Variants in CAD observed in about 807,000 individuals in gnomAD.
CAD encodes multifunctional protein CAD.
CAD carries 81 observed loss-of-function variants against 237.2 expected under a neutral mutation model. The observed-to-expected ratio is 0.34, with a 90% CI of 0.29 to 0.41. The LOEUF is 0.41. CAD is among the 10% of genes least tolerant of loss of function. The pLI is 1.00. For synonymous variants in CAD, 1,196 were observed against 1,162.8 expected, an observed-to-expected ratio of 1.03 and a Z score of -0.58; for missense variants, 2,181 against 2,951.7, an observed-to-expected ratio of 0.74 and a Z score of 6.05.
chr2:27,231,933 T>C (rs756471833), intron 16 of CAD, 47 bp from the exon 17 acceptor site: 2 of 1,611,222 alleles, frequency 1.2e-6, no homozygotes, highest in Non-Finnish European at 8.5e-7. Flanking sequence ...CTCAGGCTTT[T>C]AGATGGGCTG....
chr2:27,241,493 C>T lies in CAD; in HGVS notation c.5883+97C>T. Reference sequence around the variant, plus strand: ...AGTGGTCAGAGTGGGTCTTCCTCCCCCTGCCATCCCGTCCCCTTATGCTAG... The same window carrying T: ...AGTGGTCAGAGTGGGTCTTCCTCCCTCTGCCATCCCGTCCCCTTATGCTAG... On this transcript the variant is annotated intron_variant, in intron 38 of 43. Coordinates refer to ENST00000264705, the MANE Select transcript of CAD (RefSeq NM_004341.5). The surrounding 1 kb of genome is among the most constrained non-coding windows in gnomAD (Gnocchi z 4.6). 5 of 1,124,118 alleles carry T rather than the reference C, an allele frequency of 4.4e-6. No individual in the cohort carries two copies. Among genetic ancestry groups the T allele is most frequent in the South Asian group, 2.5e-5 (2 of 79,048 alleles). 69.6% of individuals were successfully genotyped at this position (1,124,118 alleles called of 1,614,324 possible). A position where few individuals can be genotyped will look rare whatever the true frequency, so the allele number is the denominator to read the frequency against.
rs759739691 is a variant in CAD at position 27,232,102 on chromosome 2, G to T, written c.2523G>T (p.Lys841Asn). The change falls in exon 17 of 44, where the codon AAG becomes AAT. Residue 841 changes from lysine to asparagine, a missense_variant. Lys to Asn is a moderately conservative substitution (Grantham distance 94). This residue lies in a region of CAD where 385 missense variants were observed against 535.1 expected (regional missense o/e 0.72). Transcript: ENST00000264705. This position sits in a 1 kb window ranked among gnomAD's most constrained non-coding sequence, Gnocchi z 4.1. ...RIDRWFLHRM[K>N]RIIAHAQLLE... Reference sequence around the variant, plus strand: ...ACCGCTGGTTCCTGCACCGAATGAAGCGTATCATCGCACATGCCCAGCTGC... The same window carrying T: ...ACCGCTGGTTCCTGCACCGAATGAATCGTATCATCGCACATGCCCAGCTGC... 66 of 1,614,240 alleles carry T rather than the reference G, an allele frequency of 4.1e-5. No individual in the cohort carries two copies. Among genetic ancestry groups the T allele is most frequent in the Non-Finnish European group, 5.3e-5 (63 of 1,180,040 alleles).
rs760688978 is a variant in CAD at position 27,234,113 on chromosome 2, A to AC, written c.3512dup (p.Gln1172ThrfsTer37). The AC allele has an allele frequency of 3.7e-6, 6 of 1,613,124 alleles. No individual in the cohort carries two copies. Among genetic ancestry groups the AC allele is most frequent in the African/African-American group, 1.3e-5 (1 of 74,568 alleles). ...GCATTCAGGTGATGCGACGCTGGTG[A>AC]CCCCCCCACAAGATATCACTGCCAA... On this transcript the variant is annotated frameshift_variant, in exon 22 of 44. Transcript: ENST00000264705. LOFTEE classifies it high-confidence loss of function.
rs897522486 is a variant in CAD at position 27,236,281 on chromosome 2, C to T, written c.4075-3C>T. On this transcript the variant is annotated splice_region_variant and splice_polypyrimidine_tract_variant and intron_variant, in intron 25 of 43. Transcript: ENST00000264705. The surrounding 1 kb of genome is among the most constrained non-coding windows in gnomAD (Gnocchi z 4.1). Reference sequence around the variant, plus strand: ...GGCCCTGACCTTGACTCCGGGTTGGCAGGTAACAGCTGTGGACTGGCACTT... The same window carrying T: ...GGCCCTGACCTTGACTCCGGGTTGGTAGGTAACAGCTGTGGACTGGCACTT... The T allele has an allele frequency of 7.4e-6, 12 of 1,612,086 alleles. No homozygotes were observed. The African/African-American group carries it at 1.6e-4, about 22-fold the overall frequency.
chr2:27,231,504 C>G lies in CAD; in HGVS notation c.2324C>G (p.Ala775Gly), dbSNP rs765440558. 20 of 1,613,086 alleles carry G rather than the reference C, an allele frequency of 1.2e-5. No homozygotes were observed. Among genetic ancestry groups the G allele is most frequent in the East Asian group, 6.7e-5 (3 of 44,894 alleles). Residue 775 changes from alanine (A) to glycine (G), a missense_variant, in exon 16 of 44, where the codon GCC becomes GGC. By Grantham distance (60) the Ala-to-Gly change is moderately conservative (BLOSUM62 0). Coordinates refer to ENST00000264705, the MANE Select transcript of CAD (RefSeq NM_004341.5). ...VMGIGRSFEE[A>G]FQKALRMVDE... ...GGCATTGGGCGTTCATTTGAGGAGG[C>G]CTTCCAGAAGGCCCTGCGCATGGTG...
intron 11 of CAD, among the ~76,000 whole-genome samples, chr2:27,225,494 C>T (rs192947579): frequency 3.3e-5 from 5 of 151,516 alleles, no homozygotes; most frequent in East Asian, 1.9e-4. Context: ...TTAGTAGAGA[C>T]GGGGTTTCTC....
chr2:27,238,062 G>A lies in CAD; in HGVS notation c.4735G>A (p.Glu1579Lys), dbSNP rs769349785. 1.1e-5 allele frequency: 18 copies of A among 1,613,996 alleles called. No individual in the cohort carries two copies. The highest frequency in any genetic ancestry group is 1.6e-4 in the Middle Eastern group (1 of 6,084). ...CAGTTCTTTCTGCTCCCAGCATTTC[G>A]AGACATGGCCCTCCCACCTCCCCAT... ...DSVVQWMEHF[E>K]TWPSHLPIVA... The change falls in exon 30 of 44, where the codon GAG becomes AAG. Residue 1579 changes from glutamate to lysine, a missense_variant. This residue lies in a region of CAD where 478 missense variants were observed against 515.0 expected (regional missense o/e 0.93). Transcript: ENST00000264705.
At position 27,234,195 on chromosome 2, in the gene CAD, C is replaced by T. The variant is rs1189491239; in HGVS notation, c.3587C>T (p.Thr1196Ile). The T allele has an allele frequency of 1.2e-6, 2 of 1,614,218 alleles. No individual in the cohort carries two copies. The highest frequency in any genetic ancestry group is 8.5e-7 in the Non-Finnish European group (1 of 1,180,020). ...GCTGTGGGCCAGGAGCTACAGGTCA[C>T]AGGACCCTTCAATCTGCAGCTCATT... ...VHAVGQELQV[T>I]GPFNLQLIAK... Residue 1196 changes from threonine to isoleucine, a missense_variant, in exon 22 of 44, where the codon ACA (threonine) becomes ATA (isoleucine). Physicochemically the swap from Thr to Ile is moderately conservative, Grantham distance 89. Coordinates refer to ENST00000264705, the MANE Select transcript of CAD (RefSeq NM_004341.5).
chr2:27,234,218 A>G lies in CAD; in HGVS notation c.3610A>G (p.Ile1204Val). Residue 1204 changes from isoleucine to valine, a missense_variant, in exon 22 of 44, where the codon ATT becomes GTT. Physicochemically the swap from Ile to Val is conservative, Grantham distance 29. Transcript: ENST00000264705. ...QVTGPFNLQL[I>V]AKDDQLKVIE... The stretch of plus-strand genomic sequence containing the variant: ...CACAGGACCCTTCAATCTGCAGCTC[A>G]TTGCCAAGGTAATAAGGCTAAAGGA... 1 of 1,612,498 alleles carries G rather than the reference A, an allele frequency of 6.2e-7. No homozygotes were observed. The highest frequency in any genetic ancestry group is 2.2e-5 in the East Asian group (1 of 44,882).
Position 27,239,582 on chromosome 2 carries a change from A to C in CAD, c.5394+111A>C. 6.6e-7 allele frequency: 1 copy of C among 1,518,926 alleles called. No individual in the cohort carries two copies. Among genetic ancestry groups the C allele is most frequent in the Non-Finnish European group, 9.0e-7 (1 of 1,107,500 alleles). The allele number at this position is 1,518,926 out of a possible 1,614,324, so 94.1% of individuals were successfully genotyped here. ...CCCACTATGTGCACCACTGCCCTGG[A>C]CCAGGGGTTGGGGGCACAGCTCCCC... On this transcript the variant is annotated intron_variant, in intron 33 of 43. Transcript: ENST00000264705. The surrounding 1 kb of genome is among the most constrained non-coding windows in gnomAD (Gnocchi z 4.0).
At chr2:27,222,737 AAGTC>A in intron 5 of CAD, 77 bp downstream of exon 5, 1 of 1,586,212 alleles carries the variant, frequency 6.3e-7, no homozygotes, top group Non-Finnish European at 8.6e-7. Flanking sequence ...CAATTGCTAA[AAGTC>A]AGTAGGAGTT....
intron 3 of CAD, among the ~76,000 whole-genome samples, 193 bp from the exon 4 acceptor site, chr2:27,222,001 T>C (rs891076205): frequency 9.9e-5 from 15 of 151,352 alleles, no homozygotes; most frequent in African/African-American, 2.7e-4. Context: ...TTAGAGTTGT[T>C]CAATTCAGAT....
At chr2:27,217,762 C>A in intron 1 of CAD, 115 bp from the exon 2 acceptor site, 1 of 1,438,464 alleles carries the variant, frequency 7.0e-7, no homozygotes, top group Non-Finnish European at 9.4e-7. Context: ...TGCCCATGGG[C>A]CCCAGCGCCA....
chr2:27,232,790 C>A lies in CAD; in HGVS notation c.2892+96C>A. ...CCTGGCATTTCCTATTAATTGCCGT[C>A]CCTTACTTTGGTCATAGAGCTTTGG... On this transcript the variant is annotated intron_variant, in intron 18 of 43. Coordinates refer to ENST00000264705, the MANE Select transcript of CAD (RefSeq NM_004341.5). This position sits in a 1 kb window ranked among gnomAD's most constrained non-coding sequence, Gnocchi z 4.1. The A allele has an allele frequency of 1.3e-6, 2 of 1,494,442 alleles. No individual in the cohort carries two copies. The highest frequency in any genetic ancestry group is 1.2e-5 in the South Asian group (1 of 83,912). The allele number at this position is 1,494,442 out of a possible 1,614,324, so 92.6% of individuals were successfully genotyped here. A position where few individuals can be genotyped will look rare whatever the true frequency, so the allele number is the denominator to read the frequency against.
Position 27,237,379 on chromosome 2 carries a change from G to C in CAD, c.4397G>C (p.Gly1466Ala). 2 of 1,613,954 alleles carry C rather than the reference G, an allele frequency of 1.2e-6. No individual in the cohort carries two copies. The highest frequency in any genetic ancestry group is 1.7e-6 in the Non-Finnish European group (2 of 1,179,910). ...MTSQKLVRLP[G>A]LIDVHVHLRE... is the part of the protein sequence containing the mutation. Reference sequence around the variant, plus strand: ...TCTTGCTGCTTCCATTTTCTCCCAGGATTGATTGATGTCCATGTGCACCTG... The same window carrying C: ...TCTTGCTGCTTCCATTTTCTCCCAGCATTGATTGATGTCCATGTGCACCTG... Residue 1466 changes from glycine (G) to alanine (A), a missense_variant and splice_region_variant, in exon 28 of 44, where the codon GGA (glycine) becomes GCA (alanine). By Grantham distance (60) the Gly-to-Ala change is moderately conservative. Coordinates refer to ENST00000264705, the MANE Select transcript of CAD (RefSeq NM_004341.5). This position sits in a 1 kb window ranked among gnomAD's most constrained non-coding sequence, Gnocchi z 4.0.
rs765568623 is a variant in CAD at position 27,235,545 on chromosome 2, G to A, written c.3979G>A (p.Glu1327Lys). The A allele has an allele frequency of 1.2e-6, 2 of 1,614,106 alleles. No individual in the cohort carries two copies. The highest frequency in any genetic ancestry group is 1.7e-6 in the Non-Finnish European group (2 of 1,180,008). ...LTIGSYKNKS[E>K]LLPTVRLLES... is the part of the protein sequence containing the mutation. ...TTCTGTTTGGTTTCAGAACAAAAGCGAGCTGCTCCCAACTGTGCGGCTACT... is the reference window on the plus strand; with the variant it reads ...TTCTGTTTGGTTTCAGAACAAAAGCAAGCTGCTCCCAACTGTGCGGCTACT... Residue 1327 changes from glutamate (E) to lysine (K), a missense_variant, in exon 25 of 44, where the codon GAG becomes AAG. Transcript: ENST00000264705. The surrounding 1 kb of genome is among the most constrained non-coding windows in gnomAD (Gnocchi z 5.2).
At chr2:27,243,021 TCA>T (rs1329270962) in intron 42 of CAD, 48 bp downstream of exon 42, 1 of 1,478,842 alleles carries the variant, frequency 6.8e-7, no homozygotes, top group Non-Finnish European at 9.3e-7. Context: ...CCGTAGGGCA[TCA>T]GATATGAGGA....
In CAD at chr2:27,226,227, C is replaced by T. The variant is rs758761179; in HGVS notation, c.1939C>T (p.Leu647Phe). 1.9e-6 allele frequency: 3 copies of T among 1,614,124 alleles called. No homozygotes were observed. Among genetic ancestry groups the T allele is most frequent in the East Asian group, 2.2e-5 (1 of 44,886 alleles). ...SQTLNDREYQ[L>F]LRQTAIKVTQ... is the part of the protein sequence containing the mutation. ...GACACTGAATGACAGGGAGTATCAG[C>T]TCCTGAGGCAGACAGCTATCAAGGT... Residue 647 changes from leucine to phenylalanine, a missense_variant, in exon 13 of 44, where the codon CTC becomes TTC. This residue lies in a region of CAD where 385 missense variants were observed against 535.1 expected (regional missense o/e 0.72). Transcript: ENST00000264705.
At chr2:27,220,261 G>C (rs561645035) in intron 2 of CAD, among the ~76,000 whole-genome samples, 1 of 152,184 alleles carries the variant, frequency 6.6e-6, no homozygotes, top group Non-Finnish European at 1.5e-5. Flanking sequence ...AGGAAATAAA[G>C]TATTAAAACA....
Sources: allele counts gnomAD v4.1 joint callset (sites outside exome capture counted in the v4.1 genomes callset), GRCh38; gene constraint gnomAD v4.1.1; regional missense constraint gnomAD v4.1.1; non-coding constraint Gnocchi (gnomAD v3.1); transcripts MANE v1.5; gene names NCBI Gene and HGNC (gene_info 2026-07-23, HGNC 2026-07-21).